PLCB4: variants seen among roughly 807,000 people sequenced by gnomAD.
PLCB4 encodes the protein 1-phosphatidylinositol 4,5-bisphosphate phosphodiesterase beta-4.
In PLCB4, 77 loss-of-function variants were observed where a neutral mutation model predicts 178.8. The ratio of observed to expected loss-of-function variants is 0.43; its 90% confidence interval spans 0.36 to 0.52. The LOEUF (loss-of-function observed/expected upper bound fraction) is 0.52. PLCB4 is among the 20% of genes least tolerant of loss of function. The probability of loss-of-function intolerance (pLI) is 0.00; values close to 1 mark genes in which losing one functional copy is unlikely to be tolerated. For synonymous variants in PLCB4, 496 were observed against 490.8 expected, an observed-to-expected ratio of 1.01 and a Z score of -0.14; for missense variants, 1,024 against 1,453.4, an observed-to-expected ratio of 0.70 and a Z score of 4.80.
intron 3 of PLCB4, among the ~76,000 whole-genome samples, chr20:9,237,079 A>G (rs2094001435): frequency 6.6e-6 from 1 of 152,056 alleles, no homozygotes; most frequent in South Asian, 2.1e-4. Context: ...AGAATGAATG[A>G]AAAAAAAGAC....
chr20:9,378,204 G>T (rs1021573199), intron 12 of PLCB4, among the ~76,000 whole-genome samples: 1 of 151,904 alleles, frequency 6.6e-6, no homozygotes, highest in African/African-American at 2.4e-5. Flanking sequence ...AATTCATATG[G>T]ATTTGCCTCA....
At chr20:9,338,125 C>T (rs1276841955) in intron 6 of PLCB4, 58 bp downstream of exon 6, 1 of 1,160,642 alleles carries the variant, frequency 8.6e-7, no homozygotes, top group East Asian at 2.4e-5. Flanking sequence ...TGGAAATGGC[C>T]ATGGCTTCTA....
chr20:9,168,399 C>A (rs1284428536), intron 2 of PLCB4, among the ~76,000 whole-genome samples: 3 of 152,182 alleles, frequency 2.0e-5, no homozygotes, highest in Non-Finnish European at 4.4e-5. Context: ...GAAGGTGACG[C>A]TGTTGATGAA....
At chr20:9,346,953 T>G (rs2033858771) in intron 7 of PLCB4, among the ~76,000 whole-genome samples, 1 of 152,190 alleles carries the variant, frequency 6.6e-6, no homozygotes, top group African/African-American at 2.4e-5. Flanking sequence ...CCTTCTTCCT[T>G]GCCTGCCAGT....
intron 3 of PLCB4, among the ~76,000 whole-genome samples, chr20:9,305,995 G>A (rs181826111): frequency 5.9e-5 from 9 of 152,208 alleles, no homozygotes; most frequent in South Asian, 2.1e-4. Context: ...TTTATACTAC[G>A]TGGAATCAGT....
Position 9,213,128 on chromosome 20 carries a change from C to CTTTTTTTTT in PLCB4, c.-78-4240_-78-4232dup, listed in dbSNP as rs56785951. ...TGCTTGGCTTCTCTCCGTTAGCATA[C>CTTTTTTTTT]TTTTTTTTTTTTTTTTTTTTTTTTT... is the stretch of plus-strand genomic sequence containing the variant. On this transcript the variant is annotated intron_variant, in intron 2 of 39. Transcript: ENST00000378473. Among the ~76,000 whole-genome samples the CTTTTTTTTT allele has an allele frequency of 2.9e-3, 104 of 35,732 alleles. 5 individuals carry two copies. Among genetic ancestry groups the CTTTTTTTTT allele is most frequent in the African/African-American group, 6.4e-3 (52 of 8,124 alleles). The allele number at this position is 35,732 out of a possible 152,430, so 23.4% of individuals were successfully genotyped here.
chr20:9,130,285 C>T (rs1234216187), intron 2 of PLCB4, among the ~76,000 whole-genome samples: 3 of 152,130 alleles, frequency 2.0e-5, no homozygotes, highest in African/African-American at 4.8e-5. Flanking sequence ...CTCAGTAAAC[C>T]ATTTCAAAGG....
intron 21 of PLCB4, among the ~76,000 whole-genome samples, chr20:9,406,593 A>G (rs2039454884): frequency 6.6e-6 from 1 of 150,854 alleles, no homozygotes; most frequent in Non-Finnish European, 1.5e-5. Context: ...GGTTCACTTC[A>G]TTCGCCATTC....
chr20:9,203,053 AAAAATATAT>A (rs1568942474), intron 2 of PLCB4, among the ~76,000 whole-genome samples: 1 of 132,520 alleles, frequency 7.5e-6, no homozygotes, highest in African/African-American at 3.2e-5. Context: ...AAAAAAAAAA[AAAAATATAT>A]ATATATATAT....
intron 7 of PLCB4, among the ~76,000 whole-genome samples, chr20:9,362,644 A>G (rs181724972): frequency 2.4e-4 from 37 of 152,372 alleles, no homozygotes; most frequent in South Asian, 6.2e-4. Flanking sequence ...TCAGTGGGCA[A>G]CATTCCTTTG....
At chr20:9,399,912 T>G (rs1345025676) in intron 19 of PLCB4, among the ~76,000 whole-genome samples, 2 of 152,230 alleles carry the variant, frequency 1.3e-5, no homozygotes, top group Non-Finnish European at 2.9e-5. Context: ...AAGAACTATG[T>G]TAAGAATTCA....
intron 2 of PLCB4, among the ~76,000 whole-genome samples, chr20:9,159,949 G>A (rs538084192): frequency 6.6e-6 from 1 of 152,300 alleles, no homozygotes; most frequent in African/African-American, 2.4e-5. Context: ...GCTTCTGATA[G>A]ATTTTAGGCC....
intron 2 of PLCB4, among the ~76,000 whole-genome samples, chr20:9,145,668 C>G (rs917580702): frequency 1.4e-4 from 21 of 152,178 alleles, no homozygotes; most frequent in Non-Finnish European, 2.1e-4. Context: ...TTCCATCTAT[C>G]CATTTATCTT....
At chr20:9,389,295 A>G (rs775365974) in intron 15 of PLCB4, among the ~76,000 whole-genome samples, 6 of 152,202 alleles carry the variant, frequency 3.9e-5, no homozygotes, top group Non-Finnish European at 5.9e-5. Flanking sequence ...TGCTTGACCA[A>G]CGAGAACCCC....
chr20:9,255,455 C>G (rs1018809956), intron 3 of PLCB4, among the ~76,000 whole-genome samples: 4 of 151,570 alleles, frequency 2.6e-5, no homozygotes, highest in Non-Finnish European at 4.4e-5. Context: ...TAACTTGTCT[C>G]TCCTCTCTAC....
chr20:9,163,742 T>C (rs112386138), intron 2 of PLCB4, among the ~76,000 whole-genome samples: 234 of 152,284 alleles, frequency 1.5e-3, no homozygotes, highest in African/African-American at 5.2e-3. Flanking sequence ...GATCATGCTA[T>C]TTATTATTTT....
At position 9,416,114 on chromosome 20, in the gene PLCB4, G is replaced by A. The variant is rs534675065; in HGVS notation, c.2052-3693G>A. ...AAATGAACCCATTTCACCGGAGCATGCCTGCTTTGGAGAATTGGATATGGG... is the reference window on the plus strand; with the variant it reads ...AAATGAACCCATTTCACCGGAGCATACCTGCTTTGGAGAATTGGATATGGG... On this transcript the variant is annotated intron_variant, in intron 25 of 39. Coordinates refer to ENST00000378473, the MANE Select transcript of PLCB4 (RefSeq NM_001377142.1). Among the ~76,000 whole-genome samples the A allele has an allele frequency of 1.1e-4, 16 of 152,310 alleles. No individual in the cohort carries two copies. In the Middle Eastern group the frequency reaches 0.01, roughly 97 times the overall value.
intron 2 of PLCB4, among the ~76,000 whole-genome samples, chr20:9,196,088 T>A (rs2093468629): frequency 6.6e-6 from 1 of 152,198 alleles, no homozygotes. Context: ...AGTAAAGGAC[T>A]GGTAGAGATT....
rs566319057 is a variant in PLCB4, at chr20:9,123,120, A to G, written c.-79+26778A>G. On this transcript the variant is annotated intron_variant, in intron 2 of 39. Transcript: ENST00000378473. ...TTCTTTACTAAGGTATTTATTAAAT[A>G]TGCAATGAATTAATTTCAGCTGACA... Among the ~76,000 whole-genome samples the G allele has an allele frequency of 2.0e-5, 3 of 152,320 alleles. No homozygotes were observed. The East Asian group carries it at 5.8e-4, about 29-fold the overall frequency.
Sources: gnomAD v4.1 joint callset for allele counts (sites outside exome capture counted in the v4.1 genomes callset) on GRCh38, gnomAD v4.1.1 for gene constraint, MANE v1.5 for transcripts, NCBI Gene and HGNC (gene_info 2026-07-23, HGNC 2026-07-21) for gene names.